TBC1D14: variants seen among roughly 807,000 people sequenced by gnomAD.
TBC1D14 encodes the protein TBC1 domain family, member 14.
A neutral mutation model predicts 79.0 loss-of-function variants in TBC1D14; 26 were observed. The observed-to-expected ratio is 0.33, with a 90% confidence interval of 0.24 to 0.46. The LOEUF (loss-of-function observed/expected upper bound fraction) is 0.46, where lower values mean the gene tolerates loss of function less well. Ranked by LOEUF, TBC1D14 falls within the 20% of genes least tolerant of loss-of-function variation. The probability of loss-of-function intolerance (pLI) is 1.00; values close to 1 mark genes in which losing one functional copy is unlikely to be tolerated. For missense variants in TBC1D14, 769 were observed against 887.6 expected (o/e 0.87, Z 1.70); for synonymous variants, 394 against 349.9 (o/e 1.13, Z -1.40).
intron 3 of TBC1D14, chr4:6,987,378 C>T (rs918490173): frequency 1.3e-5 from 18 of 1,413,382 alleles, no homozygotes; most frequent in Non-Finnish European, 1.5e-5. Context: ...CGGTGCCTCT[C>T]CCTGCGCCCC....
intron 2 of TBC1D14, among the ~76,000 whole-genome samples, chr4:6,929,818 T>C (rs1260266326): frequency 1.3e-5 from 2 of 152,234 alleles, no homozygotes; most frequent in Non-Finnish European, 2.9e-5. Context: ...CTTTGGAGAA[T>C]GCAGTTGCCC....
chr4:7,012,133 C>G (rs895605624), intron 11 of TBC1D14, among the ~76,000 whole-genome samples: 1 of 151,816 alleles, frequency 6.6e-6, no homozygotes. Flanking sequence ...AACCCCGTCT[C>G]TACTAAAAAT....
intron 2 of TBC1D14, among the ~76,000 whole-genome samples, chr4:6,964,739 C>T (rs956822885): frequency 3.3e-5 from 5 of 152,102 alleles, no homozygotes; most frequent in African/African-American, 4.8e-5. Flanking sequence ...AAACTATTTC[C>T]GAAATGATTA....
intron 4 of TBC1D14, 33 bp downstream of exon 4, chr4:6,994,335 G>A: frequency 6.3e-7 from 1 of 1,590,424 alleles, no homozygotes; most frequent in Non-Finnish European, 8.6e-7. Context: ...TAGAGTGTTT[G>A]CTTTAGGAAA....
At chr4:7,011,160 C>T (rs1406817945) in intron 11 of TBC1D14, among the ~76,000 whole-genome samples, 2 of 152,198 alleles carry the variant, frequency 1.3e-5, no homozygotes, top group Admixed American at 6.5e-5. Flanking sequence ...ATGTCGTAAT[C>T]GAGCGGTGTT....
intron 13 of TBC1D14, 104 bp from the exon 14 acceptor site, chr4:7,030,223 A>T (rs1275986385): frequency 1.9e-6 from 2 of 1,052,962 alleles, no homozygotes; most frequent in African/African-American, 3.1e-5. Context: ...GGAAGTGGGG[A>T]GCCGGGGGAC....
chr4:7,030,678 A>C lies in TBC1D14; in HGVS notation c.*286A>C. 1 of 307,622 alleles carries C rather than the reference A, an allele frequency of 3.3e-6. No individual in the cohort carries two copies. The highest frequency in any genetic ancestry group is 6.3e-6 in the Non-Finnish European group (1 of 158,324). The allele number at this position is 307,622 out of a possible 1,614,324, so 19.1% of individuals were successfully genotyped here. A position where few individuals can be genotyped will look rare whatever the true frequency, so the allele number is the denominator to read the frequency against. On this transcript the variant is annotated 3_prime_UTR_variant, in exon 14 of 14. Transcript: ENST00000409757. Reference sequence around the variant, plus strand: ...GGCAGTGGCTCACCCCCACTCCTTTATTTCAGCAAAAGCTAATTAAATTGT... The same window carrying C: ...GGCAGTGGCTCACCCCCACTCCTTTCTTTCAGCAAAAGCTAATTAAATTGT...
intron 3 of TBC1D14, among the ~76,000 whole-genome samples, chr4:6,974,059 G>T (rs1298963485): frequency 1.3e-5 from 2 of 152,090 alleles, no homozygotes; most frequent in African/African-American, 2.4e-5. Context: ...CCTGACCTCA[G>T]GTGATCCACC....
rs1414873413 is a variant in TBC1D14 at position 6,978,557 on chromosome 4, G to A, written c.843+11133G>A. Among the ~76,000 whole-genome samples the A allele has an allele frequency of 1.1e-4, 17 of 148,860 alleles. No individual in the cohort carries two copies. The South Asian group carries it at 3.6e-3, about 32-fold the overall frequency. On this transcript the variant is annotated intron_variant, in intron 3 of 13. Coordinates refer to ENST00000409757, the MANE Select transcript of TBC1D14 (RefSeq NM_020773.3). ...CTTGAAGGCAGCATGCTCGTTAAGA[G>A]TCATCACCACTCCCTAATCTCAAGT...
chr4:7,010,360 A>G (rs960073940), intron 10 of TBC1D14, among the ~76,000 whole-genome samples: 2 of 152,192 alleles, frequency 1.3e-5, no homozygotes, highest in Non-Finnish European at 2.9e-5. Context: ...GGGACACTGG[A>G]CATAGGAAAG....
rs549846611 is a variant in TBC1D14 at position 7,011,101 on chromosome 4, A to G, written c.1647+320A>G. Among the ~76,000 whole-genome samples the G allele has an allele frequency of 6.6e-5, 10 of 152,322 alleles. No homozygotes were observed. In the South Asian group the frequency reaches 2.1e-3, roughly 32 times the overall value. On this transcript the variant is annotated intron_variant, in intron 11 of 13. Transcript: ENST00000409757. ...TAAACTTAACACACACTTGGTGTCA[A>G]AGTCACAGCTTGATGGCAGTGCCCA... is the stretch of plus-strand genomic sequence containing the variant.
At chr4:7,012,799 G>T (rs1298510236) in intron 11 of TBC1D14, among the ~76,000 whole-genome samples, 1 of 152,182 alleles carries the variant, frequency 6.6e-6, no homozygotes, top group Admixed American at 6.5e-5. Context: ...TTACAGGTAT[G>T]ACTTTCATAA....
At chr4:6,933,108 C>T (rs1191066379) in intron 2 of TBC1D14, among the ~76,000 whole-genome samples, 2 of 152,014 alleles carry the variant, frequency 1.3e-5, no homozygotes, top group Non-Finnish European at 2.9e-5. Context: ...TGTGTGGCCC[C>T]TCCATATTGA....
At position 6,923,413 on chromosome 4, in the gene TBC1D14, C is replaced by G; in HGVS notation, c.24C>G (p.Thr8=). MTDGKLS[T]STNGVAFMGI... ...AGATGACTGATGGAAAACTCTCCACCTCTACAAATGGCGTAGCCTTCATGG... is the reference window on the plus strand; with the variant it reads ...AGATGACTGATGGAAAACTCTCCACGTCTACAAATGGCGTAGCCTTCATGG... Residue 8 remains threonine (T), a synonymous_variant, in exon 2 of 14, where the codon ACC becomes ACG. Coordinates refer to ENST00000409757, the MANE Select transcript of TBC1D14 (RefSeq NM_020773.3). 1 of 1,609,652 alleles carries G rather than the reference C, an allele frequency of 6.2e-7. No individual in the cohort carries two copies. Among genetic ancestry groups the G allele is most frequent in the Non-Finnish European group, 8.5e-7 (1 of 1,176,874 alleles).
intron 2 of TBC1D14, among the ~76,000 whole-genome samples, chr4:6,940,405 A>G (rs1712793164): frequency 6.6e-6 from 1 of 152,216 alleles, no homozygotes; most frequent in African/African-American, 2.4e-5. Flanking sequence ...TGTGTAGCCC[A>G]GAGAGGTCTA....
rs562985752 is a variant in TBC1D14, at chr4:7,007,545, C to A, written c.1446+819C>A. The A allele has an allele frequency of 1.0e-5, 13 of 1,289,190 alleles. No individual in the cohort carries two copies. The African/African-American group carries it at 2.0e-4, about 20-fold the overall frequency. The allele number at this position is 1,289,190 out of a possible 1,614,324, so 79.9% of individuals were successfully genotyped here. On this transcript the variant is annotated intron_variant, in intron 9 of 13. Transcript: ENST00000409757. ...TCAGGTTCTCATCTTTGTGGATTTCCGTGTGGGTCTTCAGAAATCTTTTCA... is the reference window on the plus strand; with the variant it reads ...TCAGGTTCTCATCTTTGTGGATTTCAGTGTGGGTCTTCAGAAATCTTTTCA...
chr4:6,968,592 C>T (rs1215135943), intron 3 of TBC1D14, among the ~76,000 whole-genome samples: 1 of 152,176 alleles, frequency 6.6e-6, no homozygotes, highest in African/African-American at 2.4e-5. Flanking sequence ...GCCAGGACCC[C>T]TTTTGCAGGC....
At chr4:7,017,870 G>A (rs193032560) in intron 12 of TBC1D14, among the ~76,000 whole-genome samples, 6 of 152,322 alleles carry the variant, frequency 3.9e-5, no homozygotes, top group East Asian at 1.9e-4. Context: ...TTGGTGGTCC[G>A]CAGTGATTCA....
chr4:6,940,654 A>T (rs1050141456), intron 2 of TBC1D14, among the ~76,000 whole-genome samples: 11 of 152,286 alleles, frequency 7.2e-5, no homozygotes, highest in African/African-American at 2.2e-4. Context: ...TGTATTCTGA[A>T]GGTGCCTGTT....
Sources: gnomAD v4.1 joint callset for allele counts (sites outside exome capture counted in the v4.1 genomes callset) on GRCh38, gnomAD v4.1.1 for gene constraint, MANE v1.5 for transcripts, NCBI Gene and HGNC (gene_info 2026-07-23, HGNC 2026-07-21) for gene names.